UBE2D3: variants seen among roughly 807,000 people sequenced by gnomAD.
The protein encoded by UBE2D3 is ubiquitin conjugating enzyme E2 D3, also known as ubiquitin-conjugating enzyme E2 D3.
Under a neutral mutation model 22.8 loss-of-function variants are expected in UBE2D3, and 2 were observed. That is an observed-to-expected ratio of 0.09 (90% CI 0.04 to 0.28). The LOEUF (loss-of-function observed/expected upper bound fraction) is 0.28, where lower values mean the gene tolerates loss of function less well. Among genes scored for constraint, UBE2D3 ranks in the 10% least tolerant of loss-of-function variants. The pLI is 1.00. For synonymous variants in UBE2D3, 56 were observed against 60.4 expected (o/e 0.93, Z 0.34); for missense variants, 27 against 182.5 (o/e 0.15, Z 4.91).
chr4:102,864,835 C>T (rs1379087468), intron 1 of UBE2D3, among the ~76,000 whole-genome samples: 2 of 152,052 alleles, frequency 1.3e-5, no homozygotes, highest in East Asian at 3.9e-4. Flanking sequence ...AGAGGTTATA[C>T]AAATACAGCA....
chr4:102,840,090 G>A (rs1731660045), intron 1 of UBE2D3, among the ~76,000 whole-genome samples: 1 of 152,152 alleles, frequency 6.6e-6, no homozygotes, highest in Non-Finnish European at 1.5e-5. Flanking sequence ...ACCTATGACA[G>A]AGTGGTTATT....
At chr4:102,825,132 G>A (rs76678771) in intron 2 of UBE2D3, 3 of 522,396 alleles carry the variant, frequency 5.7e-6, no homozygotes, top group Non-Finnish European at 7.4e-6. Flanking sequence ...ATTAAATACA[G>A]GCAAATGTAG....
rs1727600237 is a variant in UBE2D3 at position 102,809,435 on chromosome 4, T to C, written c.120+237A>G. On this transcript the variant is annotated intron_variant, in intron 4 of 7. Transcript: ENST00000453744. ...AAAACTGAACTGAGATACAGAGATG[T>C]TTGGTAGGTCATAGAGATGGCTATA... The C allele has an allele frequency of 7.9e-6, 4 of 507,734 alleles. No individual in the cohort carries two copies. In the South Asian group the frequency reaches 9.3e-5, roughly 12 times the overall value. The allele number at this position is 507,734 out of a possible 1,614,324, so 31.5% of individuals were successfully genotyped here. A position where few individuals can be genotyped will look rare whatever the true frequency, so the allele number is the denominator to read the frequency against.
chr4:102,795,346 C>G lies in UBE2D3; in HGVS notation c.*2069G>C, dbSNP rs944990444. On this transcript the variant is annotated 3_prime_UTR_variant, in exon 8 of 8. Coordinates refer to ENST00000453744, the MANE Select transcript of UBE2D3 (RefSeq NM_181891.3). ...TGTTTGGCTTTCAAGAAGTGATATGCCTACTAAAGCTGTTATTTTGAGACT... is the reference window on the plus strand; with the variant it reads ...TGTTTGGCTTTCAAGAAGTGATATGGCTACTAAAGCTGTTATTTTGAGACT... 1.3e-5 allele frequency: 2 copies of G among 152,026 alleles called. No homozygotes were observed. Among genetic ancestry groups the G allele is most frequent in the African/African-American group, 2.4e-5 (1 of 41,426 alleles). 9.4% of individuals were successfully genotyped at this position (152,026 alleles called of 1,614,324 possible).
chr4:102,868,363 C>T (rs960822140), intron 1 of UBE2D3, among the ~76,000 whole-genome samples: 15 of 152,010 alleles, frequency 9.9e-5, no homozygotes, highest in African/African-American at 3.6e-4. Context: ...CCACCGCGCC[C>T]GGCCAGCTTT....
intron 1 of UBE2D3, among the ~76,000 whole-genome samples, chr4:102,859,236 A>C (rs2110377244): frequency 6.6e-6 from 1 of 152,046 alleles, no homozygotes; most frequent in Middle Eastern, 3.4e-3. Context: ...ATATCATCCC[A>C]TTCTCTTCTG....
intron 6 of UBE2D3, 99 bp from the exon 7 acceptor site, chr4:102,799,599 T>A: frequency 1.2e-6 from 1 of 820,302 alleles, no homozygotes; most frequent in Non-Finnish European, 1.9e-6. Context: ...CAAAAGACTT[T>A]TATTAGTTTG....
chr4:102,854,351 A>C (rs913092402), intron 1 of UBE2D3, among the ~76,000 whole-genome samples: 5 of 152,128 alleles, frequency 3.3e-5, no homozygotes, highest in African/African-American at 1.2e-4. Context: ...GATTAATGAT[A>C]CTACAGTTCA....
At chr4:102,838,221 C>T (rs1731526834) in intron 1 of UBE2D3, among the ~76,000 whole-genome samples, 1 of 152,224 alleles carries the variant, frequency 6.6e-6, no homozygotes, top group African/African-American at 2.4e-5. Flanking sequence ...TTCACGCGAA[C>T]TAAACCCACA....
At chr4:102,844,657 TG>T (rs1236205122) in intron 1 of UBE2D3, among the ~76,000 whole-genome samples, 1 of 152,240 alleles carries the variant, frequency 6.6e-6, no homozygotes, top group Non-Finnish European at 1.5e-5. Context: ...TTCCCTATTC[TG>T]ACCAGTTGTC....
At chr4:102,801,273 A>G (rs1726111136) in intron 6 of UBE2D3, among the ~76,000 whole-genome samples, 181 bp downstream of exon 6, 1 of 152,048 alleles carries the variant, frequency 6.6e-6, no homozygotes, top group Non-Finnish European at 1.5e-5. Flanking sequence ...TTGAATTTTA[A>G]CAACTTCTCA....
intron 2 of UBE2D3, among the ~76,000 whole-genome samples, chr4:102,824,490 G>A (rs1730144293): frequency 1.3e-5 from 2 of 152,312 alleles, no homozygotes; most frequent in Non-Finnish European, 1.5e-5. Flanking sequence ...TAGGCACACA[G>A]TCATTTATTG....
chr4:102,845,699 C>G (rs1247967617), intron 1 of UBE2D3, among the ~76,000 whole-genome samples: 1 of 152,198 alleles, frequency 6.6e-6, no homozygotes, highest in Non-Finnish European at 1.5e-5. Context: ...GCCATTATCA[C>G]TTTTCCCTGT....
At chr4:102,849,364 CAAA>C (rs55874314) in intron 1 of UBE2D3, among the ~76,000 whole-genome samples, 3 of 63,244 alleles carry the variant, frequency 4.7e-5, no homozygotes, top group Admixed American at 3.8e-4. Flanking sequence ...ACCCCTGTCT[CAAA>C]AAAAAAAAAA....
chr4:102,830,063 T>A (rs1379584972), upstream of UBE2D3, among the ~76,000 whole-genome samples: 4 of 152,282 alleles, frequency 2.6e-5, no homozygotes, highest in Non-Finnish European at 1.5e-5. Flanking sequence ...GCTTTCTGTT[T>A]ACAAGTTTGT....
At chr4:102,849,184 A>G (rs997120549) in intron 1 of UBE2D3, among the ~76,000 whole-genome samples, 3 of 150,740 alleles carry the variant, frequency 2.0e-5, no homozygotes, top group Non-Finnish European at 4.4e-5. Flanking sequence ...CCGGGACAAC[A>G]TGGCAAAACC....
chr4:102,858,687 T>G (rs1229940852), intron 1 of UBE2D3, among the ~76,000 whole-genome samples: 1 of 151,906 alleles, frequency 6.6e-6, no homozygotes, highest in Admixed American at 6.6e-5. Context: ...AAATAACTAC[T>G]TTAGGTATGA....
intron 2 of UBE2D3, among the ~76,000 whole-genome samples, chr4:102,817,047 G>T (rs1349846014): frequency 6.6e-6 from 1 of 152,198 alleles, no homozygotes; most frequent in Non-Finnish European, 1.5e-5. Context: ...GCTGGCTCTT[G>T]ATGGAAAAAT....
At chr4:102,840,330 A>G (rs1445186442) in intron 1 of UBE2D3, among the ~76,000 whole-genome samples, 1 of 152,272 alleles carries the variant, frequency 6.6e-6, no homozygotes, top group Non-Finnish European at 1.5e-5. Context: ...GTGTCCGTCA[A>G]CAGATGAATG....
Sources: gnomAD v4.1 joint callset for allele counts (sites outside exome capture counted in the v4.1 genomes callset) on GRCh38, gnomAD v4.1.1 for gene constraint, MANE v1.5 for transcripts, NCBI Gene and HGNC (gene_info 2026-07-23, HGNC 2026-07-21) for gene names.